ZNF793: variants seen among roughly 807,000 people sequenced by gnomAD.
The protein encoded by ZNF793 is zinc finger protein 793.
ZNF793 carries 5 observed loss-of-function variants against 12.4 expected under a neutral mutation model. The ratio of observed to expected loss-of-function variants is 0.40; its 90% CI spans 0.21 to 0.84. ZNF793 has a LOEUF of 0.84. Among genes scored for constraint, ZNF793 ranks in the 40% least tolerant of loss-of-function variants. ZNF793 has a pLI of 0.35. For synonymous variants in ZNF793, 162 were observed against 172.4 expected (o/e 0.94, Z 0.47); for missense variants, 456 against 495.0 (o/e 0.92, Z 0.75).
At chr19:37,518,904 C>T (rs910863072) in intron 2 of ZNF793, among the ~76,000 whole-genome samples, 4 of 152,004 alleles carry the variant, frequency 2.6e-5, no homozygotes, top group Admixed American at 2.0e-4. Flanking sequence ...TTTATTTTAG[C>T]GAGACTAATT....
intron 5 of ZNF793, among the ~76,000 whole-genome samples, chr19:37,531,978 T>C (rs2042464822): frequency 6.6e-6 from 1 of 151,884 alleles, no homozygotes; most frequent in Admixed American, 6.6e-5. Context: ...CTCTAACTTA[T>C]AAACATTATA....
chr19:37,522,963 A>G (rs1366750703), intron 4 of ZNF793, among the ~76,000 whole-genome samples: 1 of 152,226 alleles, frequency 6.6e-6, no homozygotes, highest in African/African-American at 2.4e-5. Context: ...TATGACCTAT[A>G]TAATATTTCA....
chr19:37,529,718 C>T (rs887761872), intron 5 of ZNF793, among the ~76,000 whole-genome samples: 1 of 152,126 alleles, frequency 6.6e-6, no homozygotes, highest in African/African-American at 2.4e-5. Context: ...GTCTCGAACT[C>T]CTGACCTTAA....
At chr19:37,518,710 G>A (rs1340212592) in intron 2 of ZNF793, among the ~76,000 whole-genome samples, 5 of 150,708 alleles carry the variant, frequency 3.3e-5, no homozygotes, top group African/African-American at 1.2e-4. Flanking sequence ...GAGGTGGGAG[G>A]ATCACCTGAG....
chr19:37,524,128 C>A (rs2042395330), intron 5 of ZNF793, among the ~76,000 whole-genome samples: 1 of 148,372 alleles, frequency 6.7e-6, no homozygotes, highest in Non-Finnish European at 1.5e-5. Flanking sequence ...CCAGCCTGGG[C>A]AACAAGAGCA....
chr19:37,523,389 C>T (rs1212106957), intron 4 of ZNF793, 21 bp from the exon 5 acceptor site: 8 of 1,594,844 alleles, frequency 5.0e-6, no homozygotes, highest in Non-Finnish European at 6.0e-6. Context: ...TCTCCATCTT[C>T]TTCCCCCCAC....
chr19:37,530,723 T>A (rs909635434), intron 5 of ZNF793, among the ~76,000 whole-genome samples: 2 of 152,194 alleles, frequency 1.3e-5, no homozygotes, highest in African/African-American at 4.8e-5. Context: ...TGTCTACTTC[T>A]TTCTACGCAG....
intron 7 of ZNF793, chr19:37,536,458 G>C (rs1367019077): frequency 4.9e-6 from 2 of 405,340 alleles, no homozygotes; most frequent in Non-Finnish European, 8.7e-6. Flanking sequence ...TCTTTCTTCT[G>C]TAACAGGGAT....
chr19:37,524,016 G>A (rs909798559), intron 5 of ZNF793, among the ~76,000 whole-genome samples: 1 of 151,886 alleles, frequency 6.6e-6, no homozygotes, highest in African/African-American at 2.4e-5. Context: ...TGGGCATGGT[G>A]GTGGGTGCCT....
chr19:37,537,885 A>G lies in ZNF793; in HGVS notation c.*6A>G, dbSNP rs1420406688. 1 of 1,561,648 alleles carries G rather than the reference A, an allele frequency of 6.4e-7. No homozygotes were observed. The highest frequency in any genetic ancestry group is 8.7e-7 in the Non-Finnish European group (1 of 1,153,110). The stretch of plus-strand genomic sequence containing the variant: ...TAATTGTGGGAAATACTTGAGCAAA[A>G]TATCTGGTTTCATGGTATGTAGGGA... On this transcript the variant is annotated 3_prime_UTR_variant, in exon 8 of 8. Coordinates refer to ENST00000627814, the MANE Select transcript of ZNF793 (RefSeq NM_001013659.3).
chr19:37,509,646 A>AT (rs1480025209), intron 2 of ZNF793, among the ~76,000 whole-genome samples: 3 of 152,016 alleles, frequency 2.0e-5, no homozygotes, highest in African/African-American at 7.3e-5. Flanking sequence ...AGTTTGGGTA[A>AT]TTTTTTCTCC....
chr19:37,540,953 A>C lies in ZNF793; in HGVS notation c.*3074A>C, dbSNP rs944969641. ...CACATGTACCCAATAAATATATACA[A>C]CAATTATATATCTATAATAATTAAA... is the stretch of plus-strand genomic sequence containing the variant. On this transcript the variant is annotated 3_prime_UTR_variant, in exon 8 of 8. Coordinates refer to ENST00000627814, the MANE Select transcript of ZNF793 (RefSeq NM_001013659.3). 1 of 149,506 alleles carries C rather than the reference A, an allele frequency of 6.7e-6. No individual in the cohort carries two copies. Among genetic ancestry groups the C allele is most frequent in the East Asian group, 1.9e-4 (1 of 5,196 alleles). 9.3% of individuals were successfully genotyped at this position (149,506 alleles called of 1,614,324 possible). A position where few individuals can be genotyped will look rare whatever the true frequency, so the allele number is the denominator to read the frequency against.
chr19:37,537,266 T>C lies in ZNF793; in HGVS notation c.608T>C (p.Leu203Pro), dbSNP rs1268712727. ...CEKAFTQNPA[L>P]MYKPAVSDSL... ...AAAGCTTTCACCCAGAACCCGGCACTTATGTATAAACCAGCAGTAAGTGAT... is the reference window on the plus strand; with the variant it reads ...AAAGCTTTCACCCAGAACCCGGCACCTATGTATAAACCAGCAGTAAGTGAT... Residue 203 changes from leucine to proline, a missense_variant, in exon 8 of 8, where the codon CTT becomes CCT. Transcript: ENST00000627814. 2 of 1,613,770 alleles carry C rather than the reference T, an allele frequency of 1.2e-6. No homozygotes were observed. The highest frequency in any genetic ancestry group is 1.3e-5 in the African/African-American group (1 of 74,936).
At chr19:37,510,504 A>G (rs2042285353) in intron 2 of ZNF793, among the ~76,000 whole-genome samples, 1 of 148,250 alleles carries the variant, frequency 6.7e-6, no homozygotes, top group African/African-American at 2.5e-5. Flanking sequence ...AACAAGAGTG[A>G]AACTCCATCT....
chr19:37,530,513 A>G (rs1290358653), intron 5 of ZNF793, among the ~76,000 whole-genome samples: 1 of 152,106 alleles, frequency 6.6e-6, no homozygotes, highest in East Asian at 1.9e-4. Flanking sequence ...GAGATTAGGG[A>G]GTGGTGATGA....
In ZNF793 at chr19:37,519,826, G is replaced by A. The variant is rs185311123; in HGVS notation, c.-275-358G>A. Among the ~76,000 whole-genome samples, 286 of 152,330 alleles carry A rather than the reference G, an allele frequency of 1.9e-3. 1 individual carries two copies. Among genetic ancestry groups the A allele is most frequent in the African/African-American group, 6.7e-3 (277 of 41,572 alleles). The stretch of plus-strand genomic sequence containing the variant: ...GTAACTCATTCAACATCACACATCA[G>A]TAAATGGCAGAGCCTGCATTTGAAC... On this transcript the variant is annotated intron_variant, in intron 2 of 7. Transcript: ENST00000627814.
rs2042384566 is a variant in ZNF793, at chr19:37,522,582, T to G, written c.-96T>G. The G allele has an allele frequency of 6.6e-6, 1 of 152,210 alleles. No homozygotes were observed. The highest frequency in any genetic ancestry group is 2.1e-4 in the South Asian group (1 of 4,834). The allele number at this position is 152,210 out of a possible 1,614,324, so 9.4% of individuals were successfully genotyped here. On this transcript the variant is annotated 5_prime_UTR_variant, in exon 4 of 8. Transcript: ENST00000627814. ...CTTTAGGTGACACATCCCTTTAGTC[T>G]CCTTTAATCAGGAGCAGTTTCTCAG...
chr19:37,538,922 A>G lies in ZNF793; in HGVS notation c.*1043A>G, dbSNP rs2042533260. ...AGAAAACTTTTCCACTTTAAATATC[A>G]TCATTGTCTTTTGATGTCTTAACAA... On this transcript the variant is annotated 3_prime_UTR_variant, in exon 8 of 8. Coordinates refer to ENST00000627814, the MANE Select transcript of ZNF793 (RefSeq NM_001013659.3). 1 of 152,220 alleles carries G rather than the reference A, an allele frequency of 6.6e-6. No individual in the cohort carries two copies. The allele number at this position is 152,220 out of a possible 1,614,324, so 9.4% of individuals were successfully genotyped here.
chr19:37,525,359 C>T (rs922933954), intron 5 of ZNF793, among the ~76,000 whole-genome samples: 10 of 151,422 alleles, frequency 6.6e-5, no homozygotes, highest in African/African-American at 1.9e-4. Flanking sequence ...AGGATGGTCT[C>T]GATCTCCTGA....
Sources: gnomAD v4.1 joint callset for allele counts (sites outside exome capture counted in the v4.1 genomes callset) on GRCh38, gnomAD v4.1.1 for gene constraint, MANE v1.5 for transcripts, NCBI Gene and HGNC (gene_info 2026-07-23, HGNC 2026-07-21) for gene names.